The following LINGO2 variants were observed in gnomAD, a reference collection of about 807,000 sequenced individuals.
The protein encoded by LINGO2 is leucine-rich repeat and immunoglobulin-like domain-containing nogo receptor-interacting protein 2.
Under a neutral mutation model 30.6 loss-of-function variants are expected in LINGO2, and 14 were observed. The observed-to-expected ratio is 0.46, with a 90% CI of 0.30 to 0.72. The LOEUF is 0.72. LINGO2 is among the 30% of genes least tolerant of loss of function. LINGO2 has a pLI of 0.07. For synonymous variants in LINGO2, 317 were observed against 288.5 expected (o/e 1.10, Z -1.00); for missense variants, 729 against 751.7 (o/e 0.97, Z 0.35).
At chr9:28,968,972 A>G in the LINGO2 span, among the ~76,000 whole-genome samples, 1 of 152,210 alleles carries the variant, frequency 6.6e-6, no homozygotes, top group Non-Finnish European at 1.5e-5. Context: ...CAGAAATAAA[A>G]GAGAATGTGG....
At chr9:28,128,417 A>ATCTTAGCATTCC (rs1309680561) in intron 4 of LINGO2, among the ~76,000 whole-genome samples, 1 of 152,190 alleles carries the variant, frequency 6.6e-6, no homozygotes. Context: ...TAAATCAAAC[A>ATCTTAGCATTCC]TCTTAGCATT....
chr9:28,784,904 T>C, the LINGO2 span, among the ~76,000 whole-genome samples: 2 of 149,906 alleles, frequency 1.3e-5, no homozygotes, highest in South Asian at 4.2e-4. Flanking sequence ...GCCGAGATCG[T>C]GCCACTGCAC....
chr9:28,042,718 TTC>T (rs1316147116), intron 4 of LINGO2, among the ~76,000 whole-genome samples: 1 of 152,204 alleles, frequency 6.6e-6, no homozygotes, highest in Non-Finnish European at 1.5e-5. Context: ...ATGTACTTGC[TTC>T]ATTCATGTTC....
At chr9:29,048,267 GAT>G in the LINGO2 span, among the ~76,000 whole-genome samples, 4 of 151,376 alleles carry the variant, frequency 2.6e-5, no homozygotes, top group Non-Finnish European at 4.4e-5. Flanking sequence ...AAAAGTGAAA[GAT>G]CTCTATAATG....
intron 4 of LINGO2, among the ~76,000 whole-genome samples, chr9:28,221,260 AC>A (rs1820952842): frequency 7.1e-6 from 1 of 141,516 alleles, no homozygotes; most frequent in Non-Finnish European, 1.5e-5. Context: ...AGATGGCGCC[AC>A]TGCAGTCCAG....
intron 1 of LINGO2, among the ~76,000 whole-genome samples, chr9:28,529,209 A>G (rs1226745534): frequency 1.3e-5 from 2 of 152,096 alleles, no homozygotes; most frequent in Admixed American, 6.6e-5. Flanking sequence ...AATAAATATA[A>G]CATACAATGA....
At chr9:28,961,246 C>CT in the LINGO2 span, among the ~76,000 whole-genome samples, 29 of 152,072 alleles carry the variant, frequency 1.9e-4, no homozygotes, top group Non-Finnish European at 2.9e-4. Flanking sequence ...CTTCCCCTTC[C>CT]TTTTTTTCCC....
At chr9:28,589,095 C>A (rs543831763) in intron 1 of LINGO2, among the ~76,000 whole-genome samples, 1 of 152,250 alleles carries the variant, frequency 6.6e-6, no homozygotes, top group East Asian at 1.9e-4. Flanking sequence ...TGAGAAAATT[C>A]AACAACCCTT....
chr9:29,144,458 G>GA, the LINGO2 span, among the ~76,000 whole-genome samples: 25 of 150,580 alleles, frequency 1.7e-4, no homozygotes, highest in Non-Finnish European at 2.2e-4. Flanking sequence ...GCTTATTTTG[G>GA]AAAAAAAAAT....
the LINGO2 span, among the ~76,000 whole-genome samples, chr9:28,769,193 C>T: frequency 2.6e-5 from 4 of 151,300 alleles, no homozygotes; most frequent in South Asian, 4.2e-4. Flanking sequence ...CCCTGTAACC[C>T]TTATTTAATC....
At chr9:28,586,091 G>C (rs1296569974) in intron 1 of LINGO2, among the ~76,000 whole-genome samples, 1 of 151,742 alleles carries the variant, frequency 6.6e-6, no homozygotes, top group Non-Finnish European at 1.5e-5. Context: ...ACATGATAAA[G>C]TCTGTTTTAG....
chr9:28,125,685 TAAG>T lies in LINGO2; in HGVS notation c.-86-113283_-86-113281del, dbSNP rs1293120298. On this transcript the variant is annotated intron_variant, in intron 4 of 5. Coordinates refer to ENST00000379992, the Ensembl canonical transcript of LINGO2. Reference sequence around the variant, plus strand: ...TTCCAAGACCAGAACTCAGGGGAAATAAGAAGGACAGTGAAAAAAAATTGAGTG... The same window carrying T: ...TTCCAAGACCAGAACTCAGGGGAAATAAGGACAGTGAAAAAAAATTGAGTG... Among the ~76,000 whole-genome samples the T allele has an allele frequency of 2.0e-5, 3 of 152,104 alleles. No individual in the cohort carries two copies. The East Asian group carries it at 5.8e-4, about 29-fold the overall frequency.
chr9:28,737,281 C>G, the LINGO2 span, among the ~76,000 whole-genome samples: 3 of 152,148 alleles, frequency 2.0e-5, no homozygotes, highest in African/African-American at 7.2e-5. Flanking sequence ...ATATGTGATA[C>G]TAAAGCCACA....
At chr9:28,958,510 G>A in the LINGO2 span, among the ~76,000 whole-genome samples, 7 of 152,174 alleles carry the variant, frequency 4.6e-5, no homozygotes, top group Admixed American at 6.5e-5. Context: ...TTAGAATGCC[G>A]ACAGCCTCTC....
chr9:27,949,927 G>T, exon 6 of LINGO2: 1 of 1,614,074 alleles, frequency 6.2e-7, no homozygotes, highest in South Asian at 1.1e-5. Context: ...GTGAGGTTGA[G>T]ACCGTAGAGG....
the LINGO2 span, among the ~76,000 whole-genome samples, chr9:29,084,799 T>C: frequency 6.6e-6 from 1 of 152,058 alleles, no homozygotes; most frequent in East Asian, 1.9e-4. Context: ...TGTGATTATT[T>C]TATTAATGTC....
At chr9:28,523,774 G>A (rs1267146435) in intron 1 of LINGO2, among the ~76,000 whole-genome samples, 1 of 151,916 alleles carries the variant, frequency 6.6e-6, no homozygotes, top group Non-Finnish European at 1.5e-5. Flanking sequence ...AGAAATTAAA[G>A]AAGATCTAAA....
Position 28,403,066 on chromosome 9 carries a change from T to C in LINGO2, c.-278-30198A>G, listed in dbSNP as rs574591670. On this transcript the variant is annotated intron_variant, in intron 2 of 5. Coordinates refer to ENST00000379992, the Ensembl canonical transcript of LINGO2. ...AATAAATGAGATAACACATGTGAAC[T>C]TTCATTAAGATAACTTTGATAATTA... Among the ~76,000 whole-genome samples, 7 of 152,290 alleles carry C rather than the reference T, an allele frequency of 4.6e-5. No individual in the cohort carries two copies. In the South Asian group the frequency reaches 1.5e-3, roughly 32 times the overall value.
intron 1 of LINGO2, among the ~76,000 whole-genome samples, chr9:28,486,893 C>G (rs188850421): frequency 2.6e-5 from 4 of 152,154 alleles, no homozygotes; most frequent in Admixed American, 6.6e-5. Flanking sequence ...TGCTTGCAGT[C>G]TCTCCATTAA....
Sources: allele counts gnomAD v4.1 joint callset (sites outside exome capture counted in the v4.1 genomes callset), GRCh38; gene constraint gnomAD v4.1.1; transcripts MANE v1.5; gene names NCBI Gene and HGNC (gene_info 2026-07-23, HGNC 2026-07-21).